GALNT17: variants seen among roughly 807,000 people sequenced by gnomAD.
The protein encoded by GALNT17 is UDP-GalNAc:polypeptide N-acetylgalactosaminyltransferase-like 3.
Under a neutral mutation model 63.7 loss-of-function variants are expected in GALNT17, and 29 were observed. The ratio of observed to expected loss-of-function variants is 0.46; its 90% CI spans 0.34 to 0.62. GALNT17 has a LOEUF of 0.62. Among genes scored for constraint, GALNT17 ranks in the 20% least tolerant of loss-of-function variants. The pLI, the probability that GALNT17 is intolerant of heterozygous loss-of-function variation, is 0.01. For missense variants in GALNT17, 603 were observed against 799.6 expected, an observed-to-expected ratio of 0.75 and a Z score of 2.97; for synonymous variants, 305 against 318.3, an observed-to-expected ratio of 0.96 and a Z score of 0.45.
At chr7:71,473,961 C>T (rs1238264251) in intron 5 of GALNT17, among the ~76,000 whole-genome samples, 1 of 152,132 alleles carries the variant, frequency 6.6e-6, no homozygotes, top group Non-Finnish European at 1.5e-5. Flanking sequence ...ATGGCTACTC[C>T]ATAGGCAGAG....
intron 6 of GALNT17, among the ~76,000 whole-genome samples, chr7:71,662,327 T>TATC (rs1554320978): frequency 6.6e-6 from 1 of 151,418 alleles, no homozygotes; most frequent in African/African-American, 2.4e-5. Flanking sequence ...TTTATCTATC[T>TATC]ATCTATCTGT....
intron 2 of GALNT17, among the ~76,000 whole-genome samples, chr7:71,362,776 C>T (rs1380893067): frequency 2.6e-5 from 4 of 152,150 alleles, no homozygotes; most frequent in South Asian, 2.1e-4. Flanking sequence ...AAGCCTTCCC[C>T]GTGAGTCGTG....
chr7:71,206,148 GA>G (rs1167045060), intron 1 of GALNT17, among the ~76,000 whole-genome samples: 1 of 147,004 alleles, frequency 6.8e-6, no homozygotes, highest in Non-Finnish European at 1.5e-5. Flanking sequence ...ATATATATAT[GA>G]ATATATATAT....
At chr7:71,338,191 G>T (rs942081287) in intron 2 of GALNT17, among the ~76,000 whole-genome samples, 4 of 151,878 alleles carry the variant, frequency 2.6e-5, no homozygotes, top group Admixed American at 2.6e-4. Flanking sequence ...GCCGGGCGTG[G>T]TGGCGGGCGC....
chr7:71,266,883 T>C lies in GALNT17; in HGVS notation c.239-68667T>C, dbSNP rs145799648. Among the ~76,000 whole-genome samples, 1,034 of 151,926 alleles carry C rather than the reference T, an allele frequency of 6.8e-3. 15 individuals are homozygous for C. The highest frequency in any genetic ancestry group is 0.023 in the African/African-American group (965 of 41,442). ...TTGAACTAAGAGGGAAAAAAATTGGTGAGAATTTAGTAAAGGAGGCTGAAG... is the reference window on the plus strand; with the variant it reads ...TTGAACTAAGAGGGAAAAAAATTGGCGAGAATTTAGTAAAGGAGGCTGAAG... On this transcript the variant is annotated intron_variant, in intron 1 of 10. Coordinates refer to ENST00000333538, the MANE Select transcript of GALNT17 (RefSeq NM_022479.3).
chr7:71,274,429 G>A (rs143495176), intron 1 of GALNT17, among the ~76,000 whole-genome samples: 16 of 152,078 alleles, frequency 1.1e-4, no homozygotes, highest in African/African-American at 2.9e-4. Context: ...ACAGGTGTGC[G>A]CCACCACACC....
intron 5 of GALNT17, among the ~76,000 whole-genome samples, chr7:71,563,589 T>A (rs1352544700): frequency 6.6e-6 from 1 of 152,100 alleles, no homozygotes; most frequent in Non-Finnish European, 1.5e-5. Flanking sequence ...CTTTTTTTTT[T>A]CTTTTTAAAT....
At chr7:71,221,321 A>C (rs2116420676) in intron 1 of GALNT17, among the ~76,000 whole-genome samples, 1 of 151,162 alleles carries the variant, frequency 6.6e-6, no homozygotes, top group African/African-American at 2.4e-5. Flanking sequence ...TTCTTTATCC[A>C]ATCTGTCATT....
intron 6 of GALNT17, among the ~76,000 whole-genome samples, chr7:71,598,868 G>T (rs540889778): frequency 1.3e-5 from 2 of 151,848 alleles, no homozygotes; most frequent in African/African-American, 4.8e-5. Context: ...AGAACGGGGG[G>T]GATTGCGTGG....
chr7:71,502,105 G>C (rs533605789), intron 5 of GALNT17, among the ~76,000 whole-genome samples: 169 of 152,186 alleles, frequency 1.1e-3, no homozygotes, highest in Non-Finnish European at 1.6e-3. Context: ...ACATACGCAG[G>C]CTCTTGCATT....
chr7:71,492,810 A>G (rs1271874416), intron 5 of GALNT17, among the ~76,000 whole-genome samples: 2 of 152,168 alleles, frequency 1.3e-5, no homozygotes, highest in East Asian at 1.9e-4. Flanking sequence ...TTCGAAATAC[A>G]TTCTCATGGA....
chr7:71,426,940 T>C (rs532640861), intron 5 of GALNT17, among the ~76,000 whole-genome samples: 2 of 151,678 alleles, frequency 1.3e-5, no homozygotes, highest in African/African-American at 4.8e-5. Context: ...AAAAAAGATA[T>C]TGGCTAGTTA....
intron 2 of GALNT17, among the ~76,000 whole-genome samples, chr7:71,352,970 A>G (rs569057142): frequency 7.2e-5 from 11 of 152,146 alleles, no homozygotes; most frequent in Middle Eastern, 3.4e-3. Context: ...AGGATATTCA[A>G]CCCTGATTGG....
chr7:71,393,934 C>T (rs1793095066), intron 3 of GALNT17, among the ~76,000 whole-genome samples: 1 of 152,174 alleles, frequency 6.6e-6, no homozygotes, highest in South Asian at 2.1e-4. Flanking sequence ...CACGCAGCTT[C>T]CTTGATGGGG....
At chr7:71,626,922 C>A (rs900783546) in intron 6 of GALNT17, among the ~76,000 whole-genome samples, 1 of 152,134 alleles carries the variant, frequency 6.6e-6, no homozygotes, top group African/African-American at 2.4e-5. Context: ...GTCTCAATGG[C>A]CAGGACTGGG....
intron 1 of GALNT17, among the ~76,000 whole-genome samples, chr7:71,163,874 T>G (rs1025086966): frequency 2.0e-5 from 3 of 152,178 alleles, no homozygotes; most frequent in Non-Finnish European, 2.9e-5. Context: ...TTCAGCACAT[T>G]TTAGAATCTC....
intron 3 of GALNT17, among the ~76,000 whole-genome samples, chr7:71,401,372 C>T (rs1447514961): frequency 6.6e-6 from 1 of 152,158 alleles, no homozygotes; most frequent in East Asian, 1.9e-4. Flanking sequence ...GCTGGGATTA[C>T]AGGCGTGAGC....
intron 2 of GALNT17, among the ~76,000 whole-genome samples, chr7:71,339,166 G>C (rs950732464): frequency 6.6e-6 from 1 of 152,182 alleles, no homozygotes; most frequent in Non-Finnish European, 1.5e-5. Flanking sequence ...GTATTATTGA[G>C]CACTTATTAT....
At chr7:71,592,496 A>AAAAGTAAAAT (rs1789817028) in intron 6 of GALNT17, among the ~76,000 whole-genome samples, 3 of 90,964 alleles carry the variant, frequency 3.3e-5, no homozygotes, top group African/African-American at 1.3e-4. Flanking sequence ...ACTCCATTTC[A>AAAAGTAAAAT]AAAATAAAAT....
Sources: allele counts gnomAD v4.1 joint callset (sites outside exome capture counted in the v4.1 genomes callset), GRCh38; gene constraint gnomAD v4.1.1; transcripts MANE v1.5; gene names NCBI Gene and HGNC (gene_info 2026-07-23, HGNC 2026-07-21).